SPOCK3: variants seen among roughly 807,000 people sequenced by gnomAD.
The protein encoded by SPOCK3 is SPARC (osteonectin), cwcv and kazal like domains proteoglycan 3, also known as testican-3.
In SPOCK3, 30 loss-of-function variants were observed where a neutral mutation model predicts 56.6. The observed-to-expected ratio is 0.53, with a 90% CI of 0.40 to 0.72. The LOEUF is 0.72. SPOCK3 is among the 30% of genes least tolerant of loss of function. SPOCK3 has a pLI of 0.00. For synonymous variants in SPOCK3, 196 were observed against 183.3 expected (o/e 1.07, Z -0.56); for missense variants, 527 against 530.0 (o/e 0.99, Z 0.06).
Position 166,997,312 on chromosome 4 carries a change from TTAAAATAAAA to T in SPOCK3, c.350+3027_350+3036del, listed in dbSNP as rs1003311882. Among the ~76,000 whole-genome samples the T allele has an allele frequency of 4.6e-5, 7 of 152,192 alleles. No individual in the cohort carries two copies. In the South Asian group the frequency reaches 1.2e-3, roughly 27 times the overall value. On this transcript the variant is annotated intron_variant, in intron 4 of 10. Transcript: ENST00000357545. ...ACATTCTGCACATGTATCCCGGAACTTAAAATAAAATAAAATAAAATATTTAAAAATCCTC... is the reference window on the plus strand; with the variant it reads ...ACATTCTGCACATGTATCCCGGAACTTAAAATAAAATATTTAAAAATCCTC...
intron 7 of SPOCK3, among the ~76,000 whole-genome samples, chr4:166,781,192 C>T (rs1445825557): frequency 1.3e-5 from 2 of 151,902 alleles, no homozygotes; most frequent in African/African-American, 4.8e-5. Context: ...GAAAATAAAC[C>T]AACAATAAAC....
intron 2 of SPOCK3, among the ~76,000 whole-genome samples, chr4:167,136,928 G>A (rs1051683311): frequency 2.0e-5 from 3 of 151,892 alleles, no homozygotes; most frequent in African/African-American, 4.8e-5. Context: ...GTTGTTTGAC[G>A]AAAGAATGAC....
At chr4:166,988,417 T>A (rs1291259787) in intron 4 of SPOCK3, among the ~76,000 whole-genome samples, 1 of 151,570 alleles carries the variant, frequency 6.6e-6, no homozygotes, top group Non-Finnish European at 1.5e-5. Context: ...TTAATGCAAA[T>A]AGAGTTTTAC....
intron 3 of SPOCK3, among the ~76,000 whole-genome samples, chr4:167,001,590 G>A (rs2150129508): frequency 6.6e-6 from 1 of 152,232 alleles, no homozygotes; most frequent in South Asian, 2.1e-4. Context: ...TGCTATTGGT[G>A]ATCGTTCATG....
At chr4:167,187,664 C>A (rs930019976) in intron 2 of SPOCK3, among the ~76,000 whole-genome samples, 5 of 151,808 alleles carry the variant, frequency 3.3e-5, no homozygotes, top group African/African-American at 1.2e-4. Flanking sequence ...ATTAATTTTT[C>A]ACTTAAAATC....
chr4:167,233,566 A>G (rs984728509), intron 2 of SPOCK3, among the ~76,000 whole-genome samples: 13 of 151,958 alleles, frequency 8.6e-5, no homozygotes, highest in Admixed American at 8.5e-4. Context: ...CCTCCCTCAA[A>G]TTCCTTAATG....
chr4:166,889,381 C>T (rs938259983), intron 5 of SPOCK3, 137 bp from the exon 6 acceptor site: 10 of 600,404 alleles, frequency 1.7e-5, no homozygotes, highest in Non-Finnish European at 2.9e-5. Flanking sequence ...GTCTCCAATA[C>T]TAAAGTGCAA....
intron 6 of SPOCK3, among the ~76,000 whole-genome samples, chr4:166,841,678 G>A (rs1037875782): frequency 3.9e-5 from 6 of 151,992 alleles, no homozygotes; most frequent in Admixed American, 6.6e-5. Flanking sequence ...ACATGTTATT[G>A]CAAAGTAATA....
chr4:167,114,205 G>T (rs1761145936), intron 2 of SPOCK3, among the ~76,000 whole-genome samples: 1 of 152,066 alleles, frequency 6.6e-6, no homozygotes, highest in Admixed American at 6.6e-5. Context: ...CTATTTGAAG[G>T]CATCGGAGAG....
intron 2 of SPOCK3, among the ~76,000 whole-genome samples, chr4:167,173,319 T>C (rs1237841957): frequency 1.3e-5 from 2 of 152,184 alleles, no homozygotes; most frequent in Non-Finnish European, 2.9e-5. Context: ...AGATTCTCAA[T>C]ATATATGTAA....
chr4:167,126,904 G>A (rs1206280374), intron 2 of SPOCK3, among the ~76,000 whole-genome samples: 1 of 152,068 alleles, frequency 6.6e-6, no homozygotes, highest in Non-Finnish European at 1.5e-5. Flanking sequence ...TACTGTTGCT[G>A]GTAGAAAACA....
intron 6 of SPOCK3, among the ~76,000 whole-genome samples, chr4:166,842,081 G>A (rs902924153): frequency 6.6e-6 from 1 of 152,156 alleles, no homozygotes; most frequent in Admixed American, 6.5e-5. Context: ...CCTCCGGGTG[G>A]GTTTGTGGTC....
intron 2 of SPOCK3, among the ~76,000 whole-genome samples, chr4:167,089,299 T>C (rs955668961): frequency 6.6e-6 from 1 of 152,092 alleles, no homozygotes; most frequent in African/African-American, 2.4e-5. Flanking sequence ...CAATTTCACA[T>C]AGTATGTCCA....
At chr4:167,021,716 CAA>C (rs201510928) in intron 3 of SPOCK3, among the ~76,000 whole-genome samples, 1 of 151,464 alleles carries the variant, frequency 6.6e-6, no homozygotes, top group Non-Finnish European at 1.5e-5. Context: ...CATATCTATA[CAA>C]AAAAAAGGTC....
At chr4:166,830,649 G>C (rs1745937309) in intron 6 of SPOCK3, among the ~76,000 whole-genome samples, 1 of 152,098 alleles carries the variant, frequency 6.6e-6, no homozygotes, top group African/African-American at 2.4e-5. Context: ...CATGAGAATT[G>C]CTTGAACCCT....
chr4:166,863,249 T>C (rs1731425566), intron 6 of SPOCK3, among the ~76,000 whole-genome samples: 1 of 151,652 alleles, frequency 6.6e-6, no homozygotes. Flanking sequence ...TTACAAGAGC[T>C]CCTGAATATG....
At chr4:167,232,928 C>T (rs764657396) in intron 2 of SPOCK3, among the ~76,000 whole-genome samples, 2 of 152,146 alleles carry the variant, frequency 1.3e-5, no homozygotes, top group Non-Finnish European at 2.9e-5. Flanking sequence ...TGAGTCGGAG[C>T]TGATGAAAGA....
intron 3 of SPOCK3, among the ~76,000 whole-genome samples, chr4:167,036,071 A>G (rs1404092270): frequency 6.6e-6 from 1 of 152,208 alleles, no homozygotes; most frequent in African/African-American, 2.4e-5. Context: ...TTAAAGTTTT[A>G]TGAAAGACCA....
At chr4:166,808,211 G>GT (rs1449826679) in intron 6 of SPOCK3, among the ~76,000 whole-genome samples, 2 of 151,840 alleles carry the variant, frequency 1.3e-5, no homozygotes, top group Admixed American at 6.6e-5. Flanking sequence ...TTGTTTGCTT[G>GT]TTTTTTTCAA....
Sources: gnomAD v4.1 joint callset for allele counts (sites outside exome capture counted in the v4.1 genomes callset) on GRCh38, gnomAD v4.1.1 for gene constraint, MANE v1.5 for transcripts, NCBI Gene and HGNC (gene_info 2026-07-23, HGNC 2026-07-21) for gene names.